TMF1: variants seen among roughly 807,000 people sequenced by gnomAD.
The protein encoded by TMF1 is TATA element modulatory factor.
TMF1 carries 71 observed loss-of-function variants against 126.5 expected under a neutral mutation model. That is an observed-to-expected ratio of 0.56 (90% CI 0.46 to 0.68). TMF1 has a LOEUF of 0.68. TMF1 is among the 30% of genes least tolerant of loss of function. The probability of loss-of-function intolerance (pLI) is 0.00; values close to 1 mark genes in which losing one functional copy is unlikely to be tolerated. For synonymous variants in TMF1, 461 were observed against 430.5 expected, an observed-to-expected ratio of 1.07 and a Z score of -0.88; for missense variants, 1,259 against 1,253.2, an observed-to-expected ratio of 1.00 and a Z score of -0.07.
intron 5 of TMF1, 149 bp downstream of exon 5, chr3:69,042,658 C>T (rs2091874004): frequency 1.4e-6 from 1 of 720,568 alleles, no homozygotes; most frequent in East Asian, 2.7e-5. Context: ...ATTCCTCATT[C>T]TTCCATAAAC....
In TMF1 at chr3:69,052,103, G is replaced by T; in HGVS notation, c.-17C>A. The T allele has an allele frequency of 6.2e-7, 1 of 1,601,596 alleles. No homozygotes were observed. Among genetic ancestry groups the T allele is most frequent in the Non-Finnish European group, 8.5e-7 (1 of 1,175,228 alleles). ...CCAACTCATCGCCCCTCCTCAGCCGGCAGTGGCGGCGGCAGCACCAAGCGG... is the reference window on the plus strand; with the variant it reads ...CCAACTCATCGCCCCTCCTCAGCCGTCAGTGGCGGCGGCAGCACCAAGCGG... On this transcript the variant is annotated 5_prime_UTR_variant, in exon 1 of 17. Transcript: ENST00000398559.
rs1190568538 is a variant in TMF1 at position 69,047,597 on chromosome 3, C to T, written c.1108G>A (p.Val370Ile). 6.2e-7 allele frequency: 1 copy of T among 1,614,016 alleles called. No homozygotes were observed. Among genetic ancestry groups the T allele is most frequent in the Non-Finnish European group, 8.5e-7 (1 of 1,180,034 alleles). ...TCAGATTTTCCTTCAGCAGATTCAA[C>T]TGTTTTAGACTTTGGAGTTGAAGAA... Reference protein sequence around the residue: ...VNSSTPKSKTVESAEGKSEEV... With the variant: ...VNSSTPKSKTIESAEGKSEEV... The change falls in exon 2 of 17, where the codon GTT becomes ATT. Residue 370 changes from valine (V) to isoleucine (I), a missense_variant. By Grantham distance (29) the Val-to-Ile change is conservative. Coordinates refer to ENST00000398559, the MANE Select transcript of TMF1 (RefSeq NM_007114.3).
intron 13 of TMF1, 140 bp from the exon 14 acceptor site, chr3:69,026,237 AAAG>A (rs1296849094): frequency 1.5e-5 from 8 of 534,208 alleles, no homozygotes; most frequent in African/African-American, 5.9e-5. Flanking sequence ...AATACAATCA[AAAG>A]AAGAAAAAAA....
chr3:69,050,499 A>T (rs1189185394), intron 1 of TMF1, among the ~76,000 whole-genome samples: 1 of 152,194 alleles, frequency 6.6e-6, no homozygotes, highest in East Asian at 1.9e-4. Flanking sequence ...TGCCTCTTGG[A>T]GAATACTTTA....
At chr3:69,040,107 T>C (rs2091855351) in intron 5 of TMF1, among the ~76,000 whole-genome samples, 1 of 152,196 alleles carries the variant, frequency 6.6e-6, no homozygotes, top group African/African-American at 2.4e-5. Flanking sequence ...AATCTCATCA[T>C]GAAGAAAGTA....
intron 12 of TMF1, 72 bp downstream of exon 12, chr3:69,028,154 A>T (rs1490463924): frequency 2.2e-6 from 3 of 1,355,632 alleles, no homozygotes; most frequent in Non-Finnish European, 3.1e-6. Context: ...TTGTTATCTC[A>T]TTAATTTGCT....
chr3:69,025,916 A>G (rs1278697979), intron 14 of TMF1, 80 bp downstream of exon 14: 1 of 1,294,734 alleles, frequency 7.7e-7, no homozygotes, highest in Admixed American at 2.0e-5. Flanking sequence ...CAAGGTCATG[A>G]TGACAGACAA....
chr3:69,038,777 T>C lies in TMF1; in HGVS notation c.1995-57A>G, dbSNP rs1575815483. The stretch of plus-strand genomic sequence containing the variant: ...GCCAGTGATCAGATAATAGAAAAAG[T>C]ATTTCTTCAACATCCTACTCTGATA... On this transcript the variant is annotated intron_variant, in intron 7 of 16. Transcript: ENST00000398559. The C allele has an allele frequency of 6.9e-6, 11 of 1,588,108 alleles. No individual in the cohort carries two copies. In the East Asian group the frequency reaches 2.2e-4, roughly 32 times the overall value.
At chr3:69,040,895 C>A (rs1433045277) in intron 5 of TMF1, among the ~76,000 whole-genome samples, 3 of 150,904 alleles carry the variant, frequency 2.0e-5, no homozygotes, top group Non-Finnish European at 4.4e-5. Flanking sequence ...GTACTCCAGC[C>A]TGGACAACAC....
Position 69,044,542 on chromosome 3 carries a change from A to T in TMF1, c.1401T>A (p.Ser467=), listed in dbSNP as rs757928297. The T allele has an allele frequency of 3.1e-6, 5 of 1,608,760 alleles. No individual in the cohort carries two copies. Among genetic ancestry groups the T allele is most frequent in the Non-Finnish European group, 2.5e-6 (3 of 1,178,478 alleles). ...CTAGAAGTGCTTTTTCCTTACTAAG[A>T]GATAATAACTGAGCCTCCCTTTTTT... The part of the protein sequence containing the change: ...KLEKREAQLL[S]LSKEKALLEE... Residue 467 remains serine, a synonymous_variant, in exon 3 of 17, where the codon TCT becomes TCA. Transcript: ENST00000398559.
chr3:69,039,489 G>T, intron 6 of TMF1, 62 bp downstream of exon 6: 1 of 1,531,088 alleles, frequency 6.5e-7, no homozygotes, highest in South Asian at 1.3e-5. Flanking sequence ...CATAACCATG[G>T]CCAACTGTTC....
Position 69,044,496 on chromosome 3 carries a change from T to C in TMF1, c.1447A>G (p.Lys483Glu), listed in dbSNP as rs776682311. Residue 483 changes from lysine (K) to glutamate (E), a missense_variant, in exon 3 of 17, where the codon AAA becomes GAA. Lys to Glu is a moderately conservative substitution (Grantham distance 56). Coordinates refer to ENST00000398559, the MANE Select transcript of TMF1 (RefSeq NM_007114.3). The part of the protein sequence containing the change: ...ALLEEAFDNL[K>E]DEMFRVKEES... Reference sequence around the variant, plus strand: ...TCACATTTGCAGAATACTTACTCTTTCAGGTTATCAAAAGCTTCTTCTAGA... The same window carrying C: ...TCACATTTGCAGAATACTTACTCTTCCAGGTTATCAAAAGCTTCTTCTAGA... The C allele has an allele frequency of 1.3e-6, 2 of 1,564,132 alleles. No individual in the cohort carries two copies. Among genetic ancestry groups the C allele is most frequent in the Non-Finnish European group, 1.7e-6 (2 of 1,145,788 alleles).
chr3:69,030,773 CAG>C (rs1575810604), intron 10 of TMF1: 1 of 152,112 alleles, frequency 6.6e-6, no homozygotes, highest in Admixed American at 6.5e-5. Flanking sequence ...AAAGAAAAAA[CAG>C]GGACGACATA....
rs142742731 is a variant in TMF1, at chr3:69,037,535, G to A, written c.2151+1029C>T. On this transcript the variant is annotated intron_variant, in intron 8 of 16. Transcript: ENST00000398559. Reference sequence around the variant, plus strand: ...TGGGCACCTGTAATCCCAGCTACTCGGGAGGCTGAAGCAGGAGAATCACTT... The same window carrying A: ...TGGGCACCTGTAATCCCAGCTACTCAGGAGGCTGAAGCAGGAGAATCACTT... Among the ~76,000 whole-genome samples, 285 of 152,102 alleles carry A rather than the reference G, an allele frequency of 1.9e-3. No individual in the cohort carries two copies. In the East Asian group the frequency reaches 0.02, roughly 11 times the overall value.
chr3:69,040,156 A>C (rs1474148360), intron 5 of TMF1, among the ~76,000 whole-genome samples: 1 of 152,202 alleles, frequency 6.6e-6, no homozygotes, highest in African/African-American at 2.4e-5. Context: ...CTGTGGGACA[A>C]CTGCCCTAGA....
At chr3:69,039,119 C>CTTTGTCTCAAAA in intron 6 of TMF1, 110 bp from the exon 7 acceptor site, 1 of 955,900 alleles carries the variant, frequency 1.0e-6, no homozygotes, top group Non-Finnish European at 1.5e-6. Flanking sequence ...TTTTTTGAGA[C>CTTTGTCTCAAAA]AAAGTCTCGC....
At chr3:69,030,643 A>G (rs2091795873) in intron 10 of TMF1, 1 of 152,238 alleles carries the variant, frequency 6.6e-6, no homozygotes, top group Non-Finnish European at 1.5e-5. Context: ...AAATTTCACC[A>G]TAGAGAATGT....
chr3:69,043,807 A>G lies in TMF1; in HGVS notation c.1521T>C (p.Ile507=). The change falls in exon 4 of 17, where the codon ATT becomes ATC. Residue 507 remains isoleucine (I), a synonymous_variant. Transcript: ENST00000398559. Reference sequence around the variant, plus strand: ...GTTGAACTTTCTTTTCTGCTTCTGCAATTCTTTGAGTAAACTCATCTTTCA... The same window carrying G: ...GTTGAACTTTCTTTTCTGCTTCTGCGATTCTTTGAGTAAACTCATCTTTCA... ...SSLKDEFTQR[I]AEAEKKVQLA... is the part of the protein sequence containing the mutation. The G allele has an allele frequency of 6.2e-7, 1 of 1,612,560 alleles. No individual in the cohort carries two copies. Among genetic ancestry groups the G allele is most frequent in the Non-Finnish European group, 8.5e-7 (1 of 1,179,282 alleles).
intron 5 of TMF1, among the ~76,000 whole-genome samples, chr3:69,041,696 A>C (rs2091865940): frequency 6.6e-6 from 1 of 152,160 alleles, no homozygotes; most frequent in South Asian, 2.1e-4. Flanking sequence ...GAAGATTGGA[A>C]ATTAAATATA....
Sources: gnomAD v4.1 joint callset for allele counts (sites outside exome capture counted in the v4.1 genomes callset) on GRCh38, gnomAD v4.1.1 for gene constraint, MANE v1.5 for transcripts, NCBI Gene and HGNC (gene_info 2026-07-23, HGNC 2026-07-21) for gene names.